Variants in CSMD1 observed in about 807,000 individuals in gnomAD.
CSMD1 encodes the protein CUB and Sushi multiple domains 1, also known as CUB and sushi domain-containing protein 1.
In CSMD1, 213 loss-of-function variants were observed where a neutral mutation model predicts 417.5. The ratio of observed to expected loss-of-function variants is 0.51; its 90% CI spans 0.46 to 0.57. The LOEUF is 0.57. Among genes scored for constraint, CSMD1 ranks in the 20% least tolerant of loss-of-function variants. CSMD1 has a pLI of 0.00. For synonymous variants in CSMD1, 2,862 were observed against 1,736.8 expected (o/e 1.65, Z -16.11); for missense variants, 6,923 against 4,529.7 (o/e 1.53, Z -15.17).
intron 1 of CSMD1, among the ~76,000 whole-genome samples, chr8:4,939,484 C>T (rs574055920): frequency 3.3e-5 from 5 of 152,260 alleles, no homozygotes; most frequent in African/African-American, 7.2e-5. Flanking sequence ...GAAGACAGTC[C>T]TGTCATTTGT....
At chr8:4,610,777 G>A (rs889453675) in intron 2 of CSMD1, among the ~76,000 whole-genome samples, 1 of 152,122 alleles carries the variant, frequency 6.6e-6, no homozygotes, top group Non-Finnish European at 1.5e-5. Context: ...CTAATAACAT[G>A]GTTGATATTG....
intron 10 of CSMD1, chr8:3,515,328 G>C (rs527734224): frequency 1.3e-5 from 2 of 152,152 alleles, no homozygotes; most frequent in East Asian, 3.9e-4. Context: ...ATGCTGTTCC[G>C]TGCACTCACA....
intron 5 of CSMD1, among the ~76,000 whole-genome samples, chr8:3,810,700 T>A (rs894620000): frequency 6.6e-6 from 1 of 152,210 alleles, no homozygotes; most frequent in Non-Finnish European, 1.5e-5. Flanking sequence ...AAATGGTTTA[T>A]CTCTTGTAAA....
intron 7 of CSMD1, among the ~76,000 whole-genome samples, chr8:3,676,537 T>G (rs1799382827): frequency 6.6e-6 from 1 of 152,206 alleles, no homozygotes; most frequent in Admixed American, 6.5e-5. Flanking sequence ...CTTAAATATA[T>G]CCGAATGGTA....
chr8:3,400,636 G>A (rs1247095875), intron 15 of CSMD1, among the ~76,000 whole-genome samples: 2 of 151,818 alleles, frequency 1.3e-5, no homozygotes, highest in South Asian at 4.2e-4. Context: ...TGTTGATATG[G>A]GAAAATCTTT....
intron 1 of CSMD1, among the ~76,000 whole-genome samples, chr8:4,802,172 G>C (rs918923885): frequency 7.2e-5 from 11 of 152,188 alleles, no homozygotes; most frequent in Non-Finnish European, 1.3e-4. Context: ...AACTCATTTA[G>C]ATTAGTTATG....
In CSMD1 at chr8:3,274,801, T is replaced by C. The variant is rs545841288; in HGVS notation, c.4153+9343A>G. Reference sequence around the variant, plus strand: ...GCTTGGTAGATCTTCCTCCATCCTTTCATTTTGAGCCTATGTGTGTCTGTA... The same window carrying C: ...GCTTGGTAGATCTTCCTCCATCCTTCCATTTTGAGCCTATGTGTGTCTGTA... On this transcript the variant is annotated intron_variant, in intron 26 of 69. Transcript: ENST00000635120. Among the ~76,000 whole-genome samples the C allele has an allele frequency of 2.2e-4, 34 of 152,318 alleles. 1 individual carries two copies. The South Asian group carries it at 6.8e-3, about 31-fold the overall frequency.
chr8:3,442,005 C>G (rs537753957), intron 12 of CSMD1, among the ~76,000 whole-genome samples: 2 of 151,042 alleles, frequency 1.3e-5, no homozygotes, highest in African/African-American at 4.9e-5. Context: ...GTGTGTAGGC[C>G]TAAGCTATGT....
At chr8:3,421,456 T>C (rs571568341) in intron 12 of CSMD1, among the ~76,000 whole-genome samples, 1 of 152,336 alleles carries the variant, frequency 6.6e-6, no homozygotes, top group East Asian at 1.9e-4. Flanking sequence ...ATTCTCTACC[T>C]TATCAAAGAC....
intron 3 of CSMD1, among the ~76,000 whole-genome samples, chr8:4,146,712 C>T (rs372529512): frequency 2.8e-5 from 4 of 140,680 alleles, no homozygotes; most frequent in South Asian, 2.3e-4. Flanking sequence ...CCCGAGTTCA[C>T]GCCATTCTCC....
At chr8:4,982,611 G>C (rs1297428548) in intron 1 of CSMD1, among the ~76,000 whole-genome samples, 1 of 152,032 alleles carries the variant, frequency 6.6e-6, no homozygotes, top group African/African-American at 2.4e-5. Context: ...AAATATAAAA[G>C]GTAAGAAGAA....
At chr8:3,918,657 G>T (rs974886875) in intron 5 of CSMD1, among the ~76,000 whole-genome samples, 8 of 152,092 alleles carry the variant, frequency 5.3e-5, no homozygotes, top group Admixed American at 3.3e-4. Context: ...GGATAAAGAA[G>T]CTGAGGTATA....
intron 12 of CSMD1, among the ~76,000 whole-genome samples, chr8:3,424,968 G>A (rs138328629): frequency 1.3e-5 from 2 of 152,056 alleles, no homozygotes; most frequent in Admixed American, 6.6e-5. Context: ...TGGAGTGGCT[G>A]GGACAACAGG....
intron 1 of CSMD1, among the ~76,000 whole-genome samples, chr8:4,730,817 G>T (rs192758084): frequency 2.0e-5 from 3 of 152,144 alleles, no homozygotes; most frequent in Admixed American, 1.3e-4. Context: ...GATTTTCTTG[G>T]TTTTTGTGCA....
intron 5 of CSMD1, among the ~76,000 whole-genome samples, chr8:3,906,539 C>CA (rs61285964): frequency 0.94 from 143,543 of 152,090 alleles, 67,887 homozygotes; most frequent in Middle Eastern, 1. Flanking sequence ...AGAGTGAAGA[C>CA]AAGGTTTTAG....
At chr8:3,155,123 T>C (rs1382267135) in intron 39 of CSMD1, among the ~76,000 whole-genome samples, 1 of 152,032 alleles carries the variant, frequency 6.6e-6, no homozygotes, top group African/African-American at 2.4e-5. Context: ...GTTAATTCTT[T>C]GAATAAAACA....
chr8:4,956,054 A>G (rs546073710), intron 1 of CSMD1, among the ~76,000 whole-genome samples: 44 of 152,184 alleles, frequency 2.9e-4, no homozygotes, highest in Admixed American at 8.5e-4. Flanking sequence ...ACTTGCTCCT[A>G]TCCTGGGGTG....
intron 3 of CSMD1, among the ~76,000 whole-genome samples, chr8:4,238,857 C>T (rs934702147): frequency 5.9e-5 from 9 of 152,092 alleles, no homozygotes; most frequent in African/African-American, 1.4e-4. Flanking sequence ...TTTTAAAAAT[C>T]GATAGCAAAT....
At chr8:3,573,029 A>C (rs1199617390) in intron 10 of CSMD1, among the ~76,000 whole-genome samples, 1 of 112,500 alleles carries the variant, frequency 8.9e-6, no homozygotes, top group Non-Finnish European at 1.8e-5. Context: ...AATTGAAATA[A>C]AACTCTTTTT....
Sources: allele counts gnomAD v4.1 joint callset (sites outside exome capture counted in the v4.1 genomes callset), GRCh38; gene constraint gnomAD v4.1.1; transcripts MANE v1.5; gene names NCBI Gene and HGNC (gene_info 2026-07-23, HGNC 2026-07-21).